Variants in PAPSS1 observed in about 807,000 individuals in gnomAD.
The protein encoded by PAPSS1 is 3'-phosphoadenosine 5'-phosphosulfate synthase 1, also known as bifunctional 3'-phosphoadenosine 5'-phosphosulfate synthase 1.
Under a neutral mutation model 72.0 loss-of-function variants are expected in PAPSS1, and 50 were observed. The ratio of observed to expected loss-of-function variants is 0.69; its 90% CI spans 0.55 to 0.88. The LOEUF is 0.88. Ranked by LOEUF, PAPSS1 falls within the 40% of genes least tolerant of loss-of-function variation. The probability of loss-of-function intolerance (pLI) is 0.00; values close to 1 mark genes in which losing one functional copy is unlikely to be tolerated. For missense variants in PAPSS1, 657 were observed against 782.2 expected (o/e 0.84, Z 1.91); for synonymous variants, 261 against 263.6 (o/e 0.99, Z 0.09).
rs1247168544 is a variant in PAPSS1, at chr4:107,719,733, GC to G, written c.60+386del. 4 of 921,624 alleles carry G rather than the reference GC, an allele frequency of 4.3e-6. No homozygotes were observed. The East Asian group carries it at 3.9e-4, about 89-fold the overall frequency. 57.1% of individuals were successfully genotyped at this position (921,624 alleles called of 1,614,324 possible). On this transcript the variant is annotated intron_variant, in intron 1 of 11. Transcript: ENST00000265174. ...CTCCGCCTTCTCTGCACATCTTCAG[GC>G]CACTCCAAGGTATGCAGGAAGCTCC...
At chr4:107,639,067 G>C (rs1481544795) in intron 10 of PAPSS1, among the ~76,000 whole-genome samples, 1 of 152,080 alleles carries the variant, frequency 6.6e-6, no homozygotes, top group Non-Finnish European at 1.5e-5. Context: ...TGGGAAATCA[G>C]GAAAACCTGA....
intron 5 of PAPSS1, among the ~76,000 whole-genome samples, chr4:107,675,811 C>A (rs2110332693): frequency 6.6e-6 from 1 of 152,268 alleles, no homozygotes; most frequent in South Asian, 2.1e-4. Context: ...CCGAATCCAG[C>A]AGCACATCAA....
At chr4:107,694,257 A>AT (rs1717625793) in intron 2 of PAPSS1, 1 of 424,598 alleles carries the variant, frequency 2.4e-6, no homozygotes, top group African/African-American at 2.0e-5. Context: ...AGAATTCTCA[A>AT]TATGTTGCGC....
intron 10 of PAPSS1, among the ~76,000 whole-genome samples, chr4:107,638,787 A>G (rs1354910876): frequency 6.6e-6 from 1 of 152,232 alleles, no homozygotes; most frequent in Non-Finnish European, 1.5e-5. Context: ...AGCTCTTCCT[A>G]ATATACCAGT....
At chr4:107,703,163 C>A (rs1723248214) in intron 1 of PAPSS1, among the ~76,000 whole-genome samples, 1 of 152,140 alleles carries the variant, frequency 6.6e-6, no homozygotes, top group Non-Finnish European at 1.5e-5. Flanking sequence ...GTCTATCTTC[C>A]TTTTAGGAAT....
chr4:107,694,041 A>G, intron 2 of PAPSS1, 35 bp from the exon 3 acceptor site: 1 of 1,425,540 alleles, frequency 7.0e-7, no homozygotes. Flanking sequence ...TTCCATGTGT[A>G]AAGTTAGAAG....
intron 10 of PAPSS1, among the ~76,000 whole-genome samples, chr4:107,640,494 T>TGG (rs950240977): frequency 6.6e-6 from 1 of 152,160 alleles, no homozygotes; most frequent in African/African-American, 2.4e-5. Flanking sequence ...TATTATTAGT[T>TGG]GGCAAATAAG....
chr4:107,659,853 C>A (rs200480310), intron 6 of PAPSS1, 106 bp downstream of exon 6: 4 of 600,812 alleles, frequency 6.7e-6, no homozygotes, highest in Non-Finnish European at 1.2e-5. Context: ...TTTGCCCCCC[C>A]AGCTAATACC....
intron 1 of PAPSS1, among the ~76,000 whole-genome samples, chr4:107,706,312 T>C (rs773540957): frequency 3.3e-5 from 5 of 152,222 alleles, no homozygotes; most frequent in African/African-American, 4.8e-5. Context: ...GTAAGCTTTC[T>C]CCATTACTTT....
At chr4:107,622,290 G>A (rs1489272784) in intron 11 of PAPSS1, among the ~76,000 whole-genome samples, 4 of 152,116 alleles carry the variant, frequency 2.6e-5, no homozygotes, top group Non-Finnish European at 5.9e-5. Flanking sequence ...TTCAATTGCT[G>A]TTTACTGCTC....
intron 1 of PAPSS1, among the ~76,000 whole-genome samples, chr4:107,716,198 T>G (rs1723636149): frequency 6.6e-6 from 1 of 152,270 alleles, no homozygotes; most frequent in South Asian, 2.1e-4. Context: ...GCAGAGAGAA[T>G]GCAACATAAT....
chr4:107,625,580 T>C (rs1400581390), intron 11 of PAPSS1, among the ~76,000 whole-genome samples: 1 of 152,198 alleles, frequency 6.6e-6, no homozygotes, highest in Non-Finnish European at 1.5e-5. Context: ...AGTCTGACAG[T>C]GGATTCCTTT....
intron 1 of PAPSS1, among the ~76,000 whole-genome samples, chr4:107,704,493 T>C (rs927219934): frequency 5.9e-5 from 9 of 152,236 alleles, no homozygotes; most frequent in Non-Finnish European, 1.0e-4. Flanking sequence ...GCTTGAACTA[T>C]GTAGCCCTTA....
In PAPSS1 at chr4:107,715,792, A is replaced by G. The variant is rs181502369; in HGVS notation, c.60+4328T>C. On this transcript the variant is annotated intron_variant, in intron 1 of 11. Coordinates refer to ENST00000265174, the MANE Select transcript of PAPSS1 (RefSeq NM_005443.5). ...GGAGCTAATAAATAATTAGAACAAG[A>G]ATAGTACTCATGTGCCAGGAACCAT... Among the ~76,000 whole-genome samples the G allele has an allele frequency of 3.1e-3, 470 of 152,360 alleles. 3 individuals are homozygous for G. The highest frequency in any genetic ancestry group is 0.011 in the African/African-American group (461 of 41,578).
chr4:107,700,800 T>C (rs777617956), intron 2 of PAPSS1, among the ~76,000 whole-genome samples: 1 of 152,216 alleles, frequency 6.6e-6, no homozygotes, highest in African/African-American at 2.4e-5. Context: ...TTTCTATTCA[T>C]ATAAATTACC....
Position 107,663,530 on chromosome 4 carries a change from T to C in PAPSS1, c.670-3458A>G, listed in dbSNP as rs146346414. Among the ~76,000 whole-genome samples, 9 of 152,340 alleles carry C rather than the reference T, an allele frequency of 5.9e-5. No homozygotes were observed. In the East Asian group the frequency reaches 1.7e-3, roughly 29 times the overall value. On this transcript the variant is annotated intron_variant, in intron 5 of 11. Coordinates refer to ENST00000265174, the MANE Select transcript of PAPSS1 (RefSeq NM_005443.5). ...GAGCTTCATGTGAATTTTAGTCCAT[T>C]AATCTTCACACAGTCCTACTAATGA...
intron 3 of PAPSS1, among the ~76,000 whole-genome samples, chr4:107,692,506 G>C (rs1261910223): frequency 6.6e-6 from 1 of 152,136 alleles, no homozygotes; most frequent in East Asian, 1.9e-4. Flanking sequence ...TGAGCTCGTG[G>C]AGAAAAAGAA....
chr4:107,712,830 G>A (rs927708837), intron 1 of PAPSS1, among the ~76,000 whole-genome samples: 40 of 149,188 alleles, frequency 2.7e-4, no homozygotes, highest in South Asian at 2.1e-4. Context: ...CCAAGATTGC[G>A]CCACTGCACT....
At chr4:107,717,811 C>A (rs1162176413) in intron 1 of PAPSS1, among the ~76,000 whole-genome samples, 4 of 152,202 alleles carry the variant, frequency 2.6e-5, no homozygotes, top group Admixed American at 6.5e-5. Context: ...TCAGGATCAT[C>A]TTCTAACATT....
Sources: gnomAD v4.1 joint callset for allele counts (sites outside exome capture counted in the v4.1 genomes callset) on GRCh38, gnomAD v4.1.1 for gene constraint, MANE v1.5 for transcripts, NCBI Gene and HGNC (gene_info 2026-07-23, HGNC 2026-07-21) for gene names.